SCARA5: variants seen among roughly 807,000 people sequenced by gnomAD.
SCARA5 encodes the protein scavenger receptor class A, member 5 (putative).
In SCARA5, 45 loss-of-function variants were observed where a neutral mutation model predicts 46.3. The ratio of observed to expected loss-of-function variants is 0.97; its 90% CI spans 0.76 to 1.24. The LOEUF is 1.24. Ranked by LOEUF, SCARA5 falls within the 50% of genes most tolerant of loss-of-function variation. The pLI is 0.00. For synonymous variants in SCARA5, 333 were observed against 306.5 expected (o/e 1.09, Z -0.90); for missense variants, 680 against 689.0 (o/e 0.99, Z 0.15).
intron 3 of SCARA5, among the ~76,000 whole-genome samples, chr8:27,942,476 G>A (rs1454904817): frequency 6.6e-6 from 1 of 152,190 alleles, no homozygotes; most frequent in African/African-American, 2.4e-5. Flanking sequence ...CAACTGGCAG[G>A]TTGATCCCAG....
At chr8:27,903,338 A>G (rs1807192060) in intron 7 of SCARA5, 1 of 152,272 alleles carries the variant, frequency 6.6e-6, no homozygotes, top group Non-Finnish European at 1.5e-5. Flanking sequence ...TGTGTACTGC[A>G]TGGCCAAGAG....
chr8:27,951,966 C>T (rs777316444), intron 3 of SCARA5, among the ~76,000 whole-genome samples: 1 of 152,032 alleles, frequency 6.6e-6, no homozygotes, highest in Non-Finnish European at 1.5e-5. Context: ...GGATAGTGTC[C>T]CCTGCAAACT....
At chr8:27,944,867 C>CA (rs1189615941) in intron 3 of SCARA5, among the ~76,000 whole-genome samples, 4 of 150,050 alleles carry the variant, frequency 2.7e-5, no homozygotes, top group South Asian at 2.1e-4. Flanking sequence ...GAGCCTGTCT[C>CA]AAAAAAAAAT....
chr8:27,972,368 AG>A (rs1225349624), intron 2 of SCARA5, among the ~76,000 whole-genome samples: 1 of 152,074 alleles, frequency 6.6e-6, no homozygotes, highest in Admixed American at 6.5e-5. Flanking sequence ...AAACAAAAAA[AG>A]TAGACACTTT....
At chr8:27,987,187 C>T (rs1163637150) in intron 2 of SCARA5, among the ~76,000 whole-genome samples, 2 of 152,184 alleles carry the variant, frequency 1.3e-5, no homozygotes, top group African/African-American at 4.8e-5. Flanking sequence ...CCTTGCCTGA[C>T]CCGAGTCTCA....
At chr8:27,901,932 A>G (rs1807161728) in intron 7 of SCARA5, among the ~76,000 whole-genome samples, 2 of 152,078 alleles carry the variant, frequency 1.3e-5, no homozygotes, top group Non-Finnish European at 1.5e-5. Flanking sequence ...GTCCTCCCCT[A>G]TGGGCCTCTG....
intron 2 of SCARA5, among the ~76,000 whole-genome samples, chr8:27,977,077 GT>G (rs969479344): frequency 2.0e-5 from 3 of 152,182 alleles, no homozygotes; most frequent in African/African-American, 7.2e-5. Context: ...CAGATCAGGT[GT>G]CTACACAGCC....
intron 4 of SCARA5, among the ~76,000 whole-genome samples, chr8:27,917,046 T>G (rs944840829): frequency 6.6e-6 from 1 of 152,172 alleles, no homozygotes; most frequent in South Asian, 2.1e-4. Flanking sequence ...ACCAGAAAGC[T>G]GGTCCCGAAC....
chr8:27,900,987 G>A (rs926500162), intron 7 of SCARA5, among the ~76,000 whole-genome samples: 1 of 151,952 alleles, frequency 6.6e-6, no homozygotes, highest in African/African-American at 2.4e-5. Flanking sequence ...GTTGGTCTCT[G>A]TTCTGAAAAC....
At chr8:27,918,853 AGAG>A (rs1196050372) in intron 4 of SCARA5, among the ~76,000 whole-genome samples, 1 of 91,544 alleles carries the variant, frequency 1.1e-5, no homozygotes, top group African/African-American at 4.2e-5. Flanking sequence ...AGAGAGAAGA[AGAG>A]GAGAAGGAGG....
chr8:27,899,476 G>A (rs1807115556), intron 7 of SCARA5, among the ~76,000 whole-genome samples: 1 of 152,238 alleles, frequency 6.6e-6, no homozygotes, highest in African/African-American at 2.4e-5. Context: ...GACAAGAGAA[G>A]GAGCAGGAGC....
intron 7 of SCARA5, among the ~76,000 whole-genome samples, chr8:27,896,005 C>T (rs1807059002): frequency 6.6e-6 from 1 of 152,210 alleles, no homozygotes; most frequent in African/African-American, 2.4e-5. Flanking sequence ...GCTGTTAAGG[C>T]CCAGAAGCTC....
chr8:27,921,875 G>A lies in SCARA5; in HGVS notation c.612C>T (p.Gly204=), dbSNP rs1807596479. 6.7e-7 allele frequency: 1 copy of A among 1,498,000 alleles called. No individual in the cohort carries two copies. The highest frequency in any genetic ancestry group is 1.4e-5 in the African/African-American group (1 of 70,338). 92.8% of individuals were successfully genotyped at this position (1,498,000 alleles called of 1,614,324 possible). A position where few individuals can be genotyped will look rare whatever the true frequency, so the allele number is the denominator to read the frequency against. Residue 204 remains glycine (G), a synonymous_variant, in exon 4 of 9, where the codon GGC becomes GGT. Transcript: ENST00000354914. ...SSQLLLRRHA[G]LLDGLARRVG... ...CCCTGCGCGCCAGCCCGTCCAGCAG[G>A]CCCGCGTGGCGCCTCAGCAGCAGCT...
At chr8:27,974,777 G>A (rs1563199916) in intron 2 of SCARA5, among the ~76,000 whole-genome samples, 2 of 146,010 alleles carry the variant, frequency 1.4e-5, no homozygotes, top group African/African-American at 2.5e-5. Flanking sequence ...TGAAGCAGGG[G>A]CACTGCCACC....
At chr8:27,961,916 C>A (rs1415197662) in intron 3 of SCARA5, among the ~76,000 whole-genome samples, 1 of 152,062 alleles carries the variant, frequency 6.6e-6, no homozygotes, top group East Asian at 1.9e-4. Flanking sequence ...TTGTCTCTGT[C>A]ATTCATTCAC....
At chr8:27,959,392 T>C (rs1359398128) in intron 3 of SCARA5, among the ~76,000 whole-genome samples, 1 of 152,220 alleles carries the variant, frequency 6.6e-6, no homozygotes, top group East Asian at 1.9e-4. Flanking sequence ...GGATGGCTAT[T>C]CTGTTGAGAC....
intron 3 of SCARA5, among the ~76,000 whole-genome samples, chr8:27,931,846 G>A (rs571047471): frequency 9.5e-4 from 145 of 152,036 alleles, no homozygotes; most frequent in Non-Finnish European, 1.9e-3. Context: ...GTAGAGACGC[G>A]TTCCACCATG....
At chr8:27,982,675 G>A (rs150818248) in intron 2 of SCARA5, among the ~76,000 whole-genome samples, 6 of 152,242 alleles carry the variant, frequency 3.9e-5, no homozygotes, top group African/African-American at 7.2e-5. Context: ...AGGTGGCCCC[G>A]CCCAGGCATG....
intron 7 of SCARA5, among the ~76,000 whole-genome samples, chr8:27,884,884 G>A (rs1330417402): frequency 6.6e-6 from 1 of 152,138 alleles, no homozygotes; most frequent in East Asian, 1.9e-4. Context: ...GAGCATAGAT[G>A]GGAACAGAAG....
Sources: gnomAD v4.1 joint callset for allele counts (sites outside exome capture counted in the v4.1 genomes callset) on GRCh38, gnomAD v4.1.1 for gene constraint, MANE v1.5 for transcripts, NCBI Gene and HGNC (gene_info 2026-07-23, HGNC 2026-07-21) for gene names.